Variants in SENP2 observed in about 807,000 individuals in gnomAD.
The protein encoded by SENP2 is SUMO specific peptidase 2, also known as sentrin-specific protease 2.
Under a neutral mutation model 86.3 loss-of-function variants are expected in SENP2, and 16 were observed. That is an observed-to-expected ratio of 0.19 (90% CI 0.13 to 0.28). SENP2 has a LOEUF of 0.28. Among genes scored for constraint, SENP2 ranks in the 10% least tolerant of loss-of-function variants. SENP2 has a pLI of 1.00. For synonymous variants in SENP2, 222 were observed against 238.7 expected, an observed-to-expected ratio of 0.93 and a Z score of 0.64; for missense variants, 552 against 703.0, an observed-to-expected ratio of 0.79 and a Z score of 2.43.
rs1034146433 is a variant in SENP2 at position 185,628,434 on chromosome 3, G to A, written c.1708-1348G>A. ...TTACAGGCATGTGCCACCACGCCCGGTGACATCACTAGTTTATAGTAAGGG... is the reference window on the plus strand; with the variant it reads ...TTACAGGCATGTGCCACCACGCCCGATGACATCACTAGTTTATAGTAAGGG... On this transcript the variant is annotated intron_variant, in intron 16 of 16. Transcript: ENST00000296257. 5.3e-5 allele frequency among the ~76,000 whole-genome samples: 8 copies of A among 152,068 alleles called. No homozygotes were observed. In the East Asian group the frequency reaches 1.3e-3, roughly 26 times the overall value.
intron 13 of SENP2, among the ~76,000 whole-genome samples, chr3:185,621,156 C>CAAAAAAAAAA (rs1206042436): frequency 2.0e-4 from 8 of 39,048 alleles, no homozygotes; most frequent in South Asian, 1.7e-3. Context: ...GATCTTGTCT[C>CAAAAAAAAAA]AAAAAAAAAA....
intron 15 of SENP2, among the ~76,000 whole-genome samples, chr3:185,625,347 G>A (rs1448440103): frequency 2.6e-5 from 4 of 152,026 alleles, no homozygotes; most frequent in Admixed American, 6.6e-5. Context: ...TCCTGACCTC[G>A]TGATCCGCCC....
chr3:185,599,794 G>C (rs979029658), intron 4 of SENP2, among the ~76,000 whole-genome samples: 2 of 150,432 alleles, frequency 1.3e-5, no homozygotes, highest in East Asian at 1.9e-4. Flanking sequence ...CTAAAAACTT[G>C]ATATTTCTTT....
At chr3:185,592,256 T>C (rs1722034346) in intron 2 of SENP2, among the ~76,000 whole-genome samples, 1 of 151,754 alleles carries the variant, frequency 6.6e-6, no homozygotes, top group Non-Finnish European at 1.5e-5. Flanking sequence ...TTATTTTGTA[T>C]GTGGATACTG....
At chr3:185,607,121 C>A (rs1445103817) in intron 6 of SENP2, among the ~76,000 whole-genome samples, 1 of 151,376 alleles carries the variant, frequency 6.6e-6, no homozygotes, top group Admixed American at 6.6e-5. Flanking sequence ...AAAGTATGTA[C>A]GGTAACTAAA....
At chr3:185,627,966 T>C (rs1402304548) in intron 16 of SENP2, among the ~76,000 whole-genome samples, 1 of 151,536 alleles carries the variant, frequency 6.6e-6, no homozygotes, top group East Asian at 1.9e-4. Context: ...CGTGCTGAAT[T>C]AATATAATTC....
chr3:185,611,805 C>A, intron 8 of SENP2, 60 bp downstream of exon 8: 2 of 1,154,918 alleles, frequency 1.7e-6, no homozygotes, highest in South Asian at 1.3e-5. Flanking sequence ...CTACAGTGTT[C>A]ATATGAGGTA....
intron 2 of SENP2, among the ~76,000 whole-genome samples, chr3:185,597,230 G>C (rs1188103080): frequency 6.6e-6 from 1 of 152,088 alleles, no homozygotes; most frequent in Non-Finnish European, 1.5e-5. Flanking sequence ...GTGTGTGTGT[G>C]AATCAGTATG....
rs748676466 is a variant in SENP2 at position 185,602,911 on chromosome 3, CT to C, written c.449+2075del. Among the ~76,000 whole-genome samples, 704 of 105,724 alleles carry C rather than the reference CT, an allele frequency of 6.7e-3. 4 individuals are homozygous for C. Among genetic ancestry groups the C allele is most frequent in the African/African-American group, 0.023 (610 of 26,930 alleles). The allele number at this position is 105,724 out of a possible 152,430, so 69.4% of individuals were successfully genotyped here. ...ACTCAAAATATCTCCTTACACGTTA[CT>C]TTTTTTTTTTTTTTTTTTGGGATGG... On this transcript the variant is annotated intron_variant, in intron 5 of 16. Coordinates refer to ENST00000296257, the MANE Select transcript of SENP2 (RefSeq NM_021627.3).
chr3:185,617,856 A>G (rs1361023720), intron 12 of SENP2, among the ~76,000 whole-genome samples: 1 of 152,042 alleles, frequency 6.6e-6, no homozygotes, highest in Admixed American at 6.6e-5. Flanking sequence ...TCTTCAATAA[A>G]CCCTGGGTAC....
At chr3:185,587,584 T>TTTTTTTTTTTTTTTTTTTTG (rs1560186545) in intron 1 of SENP2, among the ~76,000 whole-genome samples, 2 of 149,680 alleles carry the variant, frequency 1.3e-5, no homozygotes, top group Non-Finnish European at 1.5e-5. Context: ...TTTTTTTTTT[T>TTTTTTTTTTTTTTTTTTTTG]GAGAAGGAGT....
chr3:185,623,867 G>A (rs1712011891), intron 14 of SENP2, 131 bp from the exon 15 acceptor site: 2 of 374,954 alleles, frequency 5.3e-6, no homozygotes, highest in Non-Finnish European at 9.4e-6. Flanking sequence ...AAGCAGTCAC[G>A]TTTTTAAAAA....
At chr3:185,587,788 G>A (rs1244519737) in intron 1 of SENP2, among the ~76,000 whole-genome samples, 4 of 142,896 alleles carry the variant, frequency 2.8e-5, no homozygotes, top group Non-Finnish European at 4.5e-5. Context: ...AGGCTGAAGT[G>A]CGGTGGCACG....
intron 5 of SENP2, among the ~76,000 whole-genome samples, chr3:185,605,326 G>T (rs1055852951): frequency 1.3e-5 from 2 of 151,540 alleles, no homozygotes; most frequent in Non-Finnish European, 2.9e-5. Context: ...AGCCGAGATC[G>T]TGCCATTGCA....
At chr3:185,600,295 G>C (rs1030251943) in intron 4 of SENP2, among the ~76,000 whole-genome samples, 2 of 152,140 alleles carry the variant, frequency 1.3e-5, no homozygotes, top group Admixed American at 6.5e-5. Context: ...AGAAGCCCAG[G>C]TATTCCTAGG....
chr3:185,627,083 C>CAA (rs34406883), intron 16 of SENP2, among the ~76,000 whole-genome samples: 20,586 of 75,052 alleles, frequency 0.27, 2,367 homozygotes, highest in Middle Eastern at 0.37. Flanking sequence ...AACCCTGTCT[C>CAA]AAAAAAAAAA....
chr3:185,615,377 C>T (rs1265080658), intron 11 of SENP2, among the ~76,000 whole-genome samples: 2 of 152,144 alleles, frequency 1.3e-5, no homozygotes, highest in African/African-American at 4.8e-5. Context: ...GAGTTTCGCT[C>T]TTGTTGCCCA....
chr3:185,621,764 A>G (rs996982967), intron 13 of SENP2, 62 bp from the exon 14 acceptor site: 1 of 962,412 alleles, frequency 1.0e-6, no homozygotes, highest in African/African-American at 1.7e-5. Context: ...TATTTTTGGA[A>G]GTAAAATTCT....
chr3:185,619,007 A>G (rs1333832444), intron 12 of SENP2, among the ~76,000 whole-genome samples: 22 of 152,202 alleles, frequency 1.4e-4, no homozygotes, highest in Admixed American at 1.4e-3. Flanking sequence ...ATTTCTGCGT[A>G]TTTTTGGTGT....
Sources: gnomAD v4.1 joint callset for allele counts (sites outside exome capture counted in the v4.1 genomes callset) on GRCh38, gnomAD v4.1.1 for gene constraint, MANE v1.5 for transcripts, NCBI Gene and HGNC (gene_info 2026-07-23, HGNC 2026-07-21) for gene names.